GRM8: variants seen among roughly 807,000 people sequenced by gnomAD.
The protein encoded by GRM8 is metabotropic glutamate receptor 8.
GRM8 carries 47 observed loss-of-function variants against 87.2 expected under a neutral mutation model. The ratio of observed to expected loss-of-function variants is 0.54; its 90% CI spans 0.43 to 0.69. GRM8 has a LOEUF of 0.69. Among genes scored for constraint, GRM8 ranks in the 30% least tolerant of loss-of-function variants. GRM8 has a pLI of 0.00. For synonymous variants in GRM8, 396 were observed against 404.5 expected, an observed-to-expected ratio of 0.98 and a Z score of 0.25; for missense variants, 1,019 against 1,139.2, an observed-to-expected ratio of 0.89 and a Z score of 1.52.
chr7:126,895,133 T>C (rs1801422601), intron 6 of GRM8, among the ~76,000 whole-genome samples: 2 of 152,018 alleles, frequency 1.3e-5, no homozygotes, highest in African/African-American at 2.4e-5. Context: ...CACACACACA[T>C]ATATACATAT....
chr7:126,888,478 C>T (rs756731387), intron 6 of GRM8, among the ~76,000 whole-genome samples: 1 of 152,140 alleles, frequency 6.6e-6, no homozygotes, highest in Non-Finnish European at 1.5e-5. Context: ...AAATATCGAA[C>T]AGGATGACCT....
intron 2 of GRM8, among the ~76,000 whole-genome samples, chr7:127,162,717 T>A (rs2116237112): frequency 6.6e-6 from 1 of 152,318 alleles, no homozygotes; most frequent in East Asian, 1.9e-4. Context: ...GAACCAGAAC[T>A]ACTTTTTCTC....
intron 3 of GRM8, among the ~76,000 whole-genome samples, chr7:127,103,989 A>C (rs11563357): frequency 6.6e-6 from 1 of 152,062 alleles, no homozygotes; most frequent in Admixed American, 6.5e-5. Flanking sequence ...TGATTTTTTT[A>C]AAATGAAAAA....
At chr7:127,143,857 G>T (rs1278490849) in intron 2 of GRM8, among the ~76,000 whole-genome samples, 4 of 152,100 alleles carry the variant, frequency 2.6e-5, no homozygotes, top group Admixed American at 2.6e-4. Flanking sequence ...GTTTAGAACT[G>T]AAGAGTTAAC....
At chr7:126,677,375 A>G (rs1376757696) in intron 7 of GRM8, among the ~76,000 whole-genome samples, 2 of 150,058 alleles carry the variant, frequency 1.3e-5, no homozygotes, top group African/African-American at 4.9e-5. Flanking sequence ...AAAAAAAAAA[A>G]GCCATATCAA....
chr7:126,554,934 G>C (rs1302958376), intron 8 of GRM8, among the ~76,000 whole-genome samples: 1 of 152,118 alleles, frequency 6.6e-6, no homozygotes, highest in Non-Finnish European at 1.5e-5. Flanking sequence ...AAGAAGAAAA[G>C]AGTAAGTTGG....
intron 8 of GRM8, among the ~76,000 whole-genome samples, chr7:126,595,314 C>T (rs1797057192): frequency 6.6e-6 from 1 of 151,910 alleles, no homozygotes. Context: ...TCACGGCAAC[C>T]TCCCCTTCCC....
At chr7:126,995,834 G>A (rs1354861696) in intron 3 of GRM8, among the ~76,000 whole-genome samples, 3 of 151,938 alleles carry the variant, frequency 2.0e-5, no homozygotes, top group African/African-American at 7.2e-5. Flanking sequence ...TCCAAACTTA[G>A]AGAAATATAT....
At chr7:127,080,387 T>C (rs1432164355) in intron 3 of GRM8, among the ~76,000 whole-genome samples, 2 of 152,176 alleles carry the variant, frequency 1.3e-5, no homozygotes, top group East Asian at 1.9e-4. Context: ...AAATGAAAGA[T>C]AATAAATCTA....
At chr7:127,122,297 AAT>A (rs950936312) in intron 2 of GRM8, among the ~76,000 whole-genome samples, 1 of 152,178 alleles carries the variant, frequency 6.6e-6, no homozygotes, top group African/African-American at 2.4e-5. Flanking sequence ...CTTAAATGAA[AAT>A]ATACTTTTCT....
intron 7 of GRM8, among the ~76,000 whole-genome samples, chr7:126,635,384 T>C (rs555913753): frequency 2.2e-4 from 34 of 152,250 alleles, no homozygotes; most frequent in Non-Finnish European, 4.7e-4. Context: ...AATTGAAAAA[T>C]TTATCAACTG....
rs79974118 is a variant in GRM8, at chr7:126,961,044, C to A, written c.728-56361G>T. 6.3e-3 allele frequency among the ~76,000 whole-genome samples: 953 copies of A among 152,290 alleles called. 11 individuals carry two copies. The highest frequency in any genetic ancestry group is 0.022 in the African/African-American group (896 of 41,554). On this transcript the variant is annotated intron_variant, in intron 3 of 10. Coordinates refer to ENST00000339582, the MANE Select transcript of GRM8 (RefSeq NM_000845.3). ...CATACATCAAACAATTCTCCTTCTT[C>A]ATTTTCATAAAGACAGTTCTGACCA... is the stretch of plus-strand genomic sequence containing the variant.
At chr7:127,029,236 G>A (rs1014343332) in intron 3 of GRM8, among the ~76,000 whole-genome samples, 3 of 152,186 alleles carry the variant, frequency 2.0e-5, no homozygotes, top group African/African-American at 7.2e-5. Context: ...TGCATTTGCT[G>A]AGGAGTGTTT....
chr7:126,620,432 A>G (rs1053114294), intron 7 of GRM8, among the ~76,000 whole-genome samples: 1 of 152,230 alleles, frequency 6.6e-6, no homozygotes, highest in African/African-American at 2.4e-5. Flanking sequence ...GAAATGTGTG[A>G]AAAAGTATAT....
At chr7:127,006,564 T>C (rs1814329464) in intron 3 of GRM8, among the ~76,000 whole-genome samples, 1 of 152,052 alleles carries the variant, frequency 6.6e-6, no homozygotes. Context: ...TCTTGCCATA[T>C]TTGTGTCTCA....
intron 2 of GRM8, among the ~76,000 whole-genome samples, chr7:127,211,346 G>A (rs909173200): frequency 6.6e-6 from 1 of 152,202 alleles, no homozygotes; most frequent in Non-Finnish European, 1.5e-5. Context: ...GAAGCATCCA[G>A]CATGGGAGAA....
chr7:126,896,650 A>G (rs1801569902), intron 6 of GRM8, among the ~76,000 whole-genome samples: 1 of 152,114 alleles, frequency 6.6e-6, no homozygotes, highest in Non-Finnish European at 1.5e-5. Flanking sequence ...TCTTCCAGGG[A>G]GCTAATTATT....
chr7:127,057,419 C>T (rs988071577), intron 3 of GRM8, among the ~76,000 whole-genome samples: 1 of 152,036 alleles, frequency 6.6e-6, no homozygotes, highest in African/African-American at 2.4e-5. Flanking sequence ...TTCCAAACAA[C>T]ATTTGCATAC....
intron 3 of GRM8, among the ~76,000 whole-genome samples, chr7:126,976,177 T>A (rs11563801): frequency 0.32 from 48,043 of 152,134 alleles, 7,647 homozygotes; most frequent in Non-Finnish European, 0.35. Context: ...AAACCTTAGA[T>A]ACCTCTTCTG....
Sources: gnomAD v4.1 joint callset for allele counts (sites outside exome capture counted in the v4.1 genomes callset) on GRCh38, gnomAD v4.1.1 for gene constraint, MANE v1.5 for transcripts, NCBI Gene and HGNC (gene_info 2026-07-23, HGNC 2026-07-21) for gene names.